The following CRLF3 variants were observed in gnomAD, a reference collection of about 807,000 sequenced individuals.
CRLF3 encodes the protein cytokine receptor-like factor 3.
A neutral mutation model predicts 55.0 loss-of-function variants in CRLF3; 33 were observed. The ratio of observed to expected loss-of-function variants is 0.60; its 90% CI spans 0.46 to 0.80. The LOEUF (loss-of-function observed/expected upper bound fraction) is 0.80. Ranked by LOEUF, CRLF3 falls within the 30% of genes least tolerant of loss-of-function variation. CRLF3 has a pLI of 0.00. For synonymous variants in CRLF3, 238 were observed against 196.8 expected (o/e 1.21, Z -1.75); for missense variants, 494 against 538.4 (o/e 0.92, Z 0.82).
rs187709996 is a variant in CRLF3, at chr17:30,814,449, T to A, written c.129+10074A>T. ...CAGGCGGATCACCTAAGGTCAGGAG[T>A]TGGGAGACCAGCCTGGCCAGTATGG... On this transcript the variant is annotated intron_variant, in intron 1 of 7. Transcript: ENST00000324238. 5.9e-3 allele frequency among the ~76,000 whole-genome samples: 892 copies of A among 151,384 alleles called. 8 individuals carry two copies. Among genetic ancestry groups the A allele is most frequent in the African/African-American group, 0.021 (860 of 41,260 alleles).
intron 3 of CRLF3, among the ~76,000 whole-genome samples, 190 bp from the exon 4 acceptor site, chr17:30,796,527 T>C (rs1049615514): frequency 6.6e-6 from 1 of 151,772 alleles, no homozygotes; most frequent in African/African-American, 2.4e-5. Flanking sequence ...GACAGAAAAT[T>C]GGTAGGATCA....
At chr17:30,785,507 C>T (rs1017864835) in intron 7 of CRLF3, among the ~76,000 whole-genome samples, 4 of 150,682 alleles carry the variant, frequency 2.7e-5, no homozygotes, top group Non-Finnish European at 4.4e-5. Context: ...CAGCCAGCCA[C>T]GGTGGCTCAC....
In CRLF3 at chr17:30,785,242, A is replaced by G. The variant is rs554590956; in HGVS notation, c.1072+677T>C. On this transcript the variant is annotated intron_variant, in intron 7 of 7. Transcript: ENST00000324238. ...AGGCACCCGCCACCACACCTGGCTA[A>G]TTTTCTGTATTTTTAGTAGAGACAG... 6.0e-5 allele frequency: 9 copies of G among 150,598 alleles called. No homozygotes were observed. The East Asian group carries it at 1.8e-3, about 30-fold the overall frequency. The allele number at this position is 150,598 out of a possible 1,614,324, so 9.3% of individuals were successfully genotyped here. A position where few individuals can be genotyped will look rare whatever the true frequency, so the allele number is the denominator to read the frequency against.
chr17:30,816,877 C>A (rs912364592), intron 1 of CRLF3, among the ~76,000 whole-genome samples: 1 of 152,062 alleles, frequency 6.6e-6, no homozygotes, highest in Non-Finnish European at 1.5e-5. Context: ...GACTTGTACC[C>A]TAGGAGCAAT....
In CRLF3 at chr17:30,784,656, T is replaced by G. The variant is rs1971593489; in HGVS notation, c.1073-213A>C. 8.8e-6 allele frequency: 4 copies of G among 454,416 alleles called. No homozygotes were observed. The East Asian group carries it at 1.4e-4, about 15-fold the overall frequency. 28.1% of individuals were successfully genotyped at this position (454,416 alleles called of 1,614,324 possible). On this transcript the variant is annotated intron_variant, in intron 7 of 7. Coordinates refer to ENST00000324238, the MANE Select transcript of CRLF3 (RefSeq NM_015986.4). ...CATATCAGTGTCATCAAAAGAAACTTGACAGTGTTACAAAATTACCTCCTG... is the reference window on the plus strand; with the variant it reads ...CATATCAGTGTCATCAAAAGAAACTGGACAGTGTTACAAAATTACCTCCTG...
chr17:30,784,123 CA>C lies in CRLF3; in HGVS notation c.*63del. On this transcript the variant is annotated 3_prime_UTR_variant, in exon 8 of 8. Transcript: ENST00000324238. ...TTCAACTTTTTTTTTAAAGCAATTA[CA>C]ACTACGCTGGGCTGAGGACAGCTAC... 1.4e-6 allele frequency: 2 copies of C among 1,455,026 alleles called. No homozygotes were observed. Among genetic ancestry groups the C allele is most frequent in the Non-Finnish European group, 1.9e-6 (2 of 1,075,886 alleles). The allele number at this position is 1,455,026 out of a possible 1,614,324, so 90.1% of individuals were successfully genotyped here. A position where few individuals can be genotyped will look rare whatever the true frequency, so the allele number is the denominator to read the frequency against.
chr17:30,813,597 G>A (rs907950871), intron 1 of CRLF3, among the ~76,000 whole-genome samples: 1 of 151,958 alleles, frequency 6.6e-6, no homozygotes, highest in Non-Finnish European at 1.5e-5. Context: ...CCTAGGCACT[G>A]TGCTAAGCGT....
chr17:30,783,627 A>C lies in CRLF3; in HGVS notation c.*560T>G, dbSNP rs1050168583. ...AGTGAGACTCCGTCTCAACAAAAAAAGAAAAAGTTATAATGTTTTGGGGAC... is the reference window on the plus strand; with the variant it reads ...AGTGAGACTCCGTCTCAACAAAAAACGAAAAAGTTATAATGTTTTGGGGAC... On this transcript the variant is annotated 3_prime_UTR_variant, in exon 8 of 8. Transcript: ENST00000324238. 1 of 152,316 alleles carries C rather than the reference A, an allele frequency of 6.6e-6. No homozygotes were observed. The highest frequency in any genetic ancestry group is 1.9e-4 in the East Asian group (1 of 5,210). 9.4% of individuals were successfully genotyped at this position (152,316 alleles called of 1,614,324 possible).
intron 6 of CRLF3, among the ~76,000 whole-genome samples, chr17:30,792,023 T>C (rs532973489): frequency 1.8e-4 from 27 of 152,170 alleles, no homozygotes; most frequent in African/African-American, 6.5e-4. Context: ...TGATTTTGTA[T>C]TTTTAGTAGA....
At position 30,796,356 on chromosome 17, in the gene CRLF3, T is replaced by A. The variant is rs776917248; in HGVS notation, c.426-19A>T. The stretch of plus-strand genomic sequence containing the variant: ...TGGTAAGCTGAGGAAACAAAGCTCA[T>A]GTGTTATGAGACCTCTAACTGAGAG... On this transcript the variant is annotated intron_variant, in intron 3 of 7. Coordinates refer to ENST00000324238, the MANE Select transcript of CRLF3 (RefSeq NM_015986.4). 6.9e-6 allele frequency: 11 copies of A among 1,600,268 alleles called. No homozygotes were observed. The Admixed American group carries it at 1.9e-4, about 27-fold the overall frequency.
At chr17:30,792,736 C>G in intron 5 of CRLF3, 164 bp from the exon 6 acceptor site, 1 of 501,890 alleles carries the variant, frequency 2.0e-6, no homozygotes, top group Non-Finnish European at 3.4e-6. Context: ...ATCAGTCCCA[C>G]AAATTACAAA....
intron 1 of CRLF3, among the ~76,000 whole-genome samples, chr17:30,818,292 T>G (rs1033849652): frequency 6.6e-6 from 1 of 152,094 alleles, no homozygotes. Context: ...GTTCTTGGTT[T>G]TCCCTGTATC....
chr17:30,824,481 A>G (rs1412010306), intron 1 of CRLF3, 42 bp downstream of exon 1: 3 of 1,532,352 alleles, frequency 2.0e-6, no homozygotes, highest in Admixed American at 1.9e-5. Flanking sequence ...CATCCGCGCC[A>G]CCCCCGGGCC....
rs201887817 is a variant in CRLF3, at chr17:30,784,338, C to A, written c.1178G>T (p.Ser393Ile). The stretch of plus-strand genomic sequence containing the variant: ...CTTGAAGTGTCCACCTTCATTATTA[C>A]TGGTGGTTCCTAGAGTCACGGCTTC... ...DIEAVTLGTT[S>I]NNEGGHFKLR... Residue 393 changes from serine (S) to isoleucine (I), a missense_variant, in exon 8 of 8, where the codon AGT (serine) becomes ATT (isoleucine). Coordinates refer to ENST00000324238, the MANE Select transcript of CRLF3 (RefSeq NM_015986.4). The A allele has an allele frequency of 1.9e-6, 3 of 1,614,142 alleles. No individual in the cohort carries two copies. The African/African-American group carries it at 4.0e-5, about 22-fold the overall frequency.
At chr17:30,822,005 G>A (rs1370394553) in intron 1 of CRLF3, among the ~76,000 whole-genome samples, 1 of 145,590 alleles carries the variant, frequency 6.9e-6, no homozygotes, top group Non-Finnish European at 1.5e-5. Context: ...GATCTTTTGA[G>A]CCCAGGAGTT....
chr17:30,808,289 T>A (rs2142265888), intron 1 of CRLF3, among the ~76,000 whole-genome samples: 1 of 143,830 alleles, frequency 7.0e-6, no homozygotes, highest in South Asian at 2.3e-4. Context: ...TTTTTTTTTT[T>A]TTTTTTTTTT....
rs1971565092 is a variant in CRLF3 at position 30,783,858 on chromosome 17, TAA to T, written c.*327_*328del. 1 of 204,588 alleles carries T rather than the reference TAA, an allele frequency of 4.9e-6. No individual in the cohort carries two copies. The highest frequency in any genetic ancestry group is 2.3e-5 in the African/African-American group (1 of 42,780). 12.7% of individuals were successfully genotyped at this position (204,588 alleles called of 1,614,324 possible). On this transcript the variant is annotated 3_prime_UTR_variant, in exon 8 of 8. Coordinates refer to ENST00000324238, the MANE Select transcript of CRLF3 (RefSeq NM_015986.4). Reference sequence around the variant, plus strand: ...GATGATTTTAAAAATAATATTACATTAAGTTTTCCTGGTCTAATAACCAACTT... The same window carrying T: ...GATGATTTTAAAAATAATATTACATTGTTTTCCTGGTCTAATAACCAACTT...
intron 1 of CRLF3, among the ~76,000 whole-genome samples, chr17:30,819,277 T>C (rs944492503): frequency 1.3e-5 from 2 of 152,194 alleles, no homozygotes; most frequent in Non-Finnish European, 2.9e-5. Flanking sequence ...ACACACAGAC[T>C]AAAATACTGG....
intron 7 of CRLF3, 130 bp from the exon 8 acceptor site, chr17:30,784,573 CATAGATT>C (rs1971590998): frequency 2.6e-6 from 2 of 772,020 alleles, no homozygotes; most frequent in East Asian, 2.6e-5. Flanking sequence ...GCCAACTGGA[CATAGATT>C]TTAGAGTTCT....
Sources: allele counts gnomAD v4.1 joint callset (sites outside exome capture counted in the v4.1 genomes callset), GRCh38; gene constraint gnomAD v4.1.1; transcripts MANE v1.5; gene names NCBI Gene and HGNC (gene_info 2026-07-23, HGNC 2026-07-21).